CDCP2: variants seen among roughly 807,000 people sequenced by gnomAD.
CDCP2 encodes CUB domain containing protein 2.
Under a neutral mutation model 31.0 loss-of-function variants are expected in CDCP2, and 31 were observed. That is an observed-to-expected ratio of 1.00 (90% CI 0.75 to 1.35). The LOEUF (loss-of-function observed/expected upper bound fraction) is 1.35, where lower values mean the gene tolerates loss of function less well. Among genes scored for constraint, CDCP2 ranks in the 40% most tolerant of loss-of-function variants. CDCP2 has a pLI of 0.00. For synonymous variants in CDCP2, 206 were observed against 207.9 expected, an observed-to-expected ratio of 0.99 and a Z score of 0.08; for missense variants, 443 against 482.6, an observed-to-expected ratio of 0.92 and a Z score of 0.77.
chr1:54,141,389 T>C (rs1659371439), exon 3 of CDCP2: 5 of 1,613,690 alleles, frequency 3.1e-6, no homozygotes, highest in Non-Finnish European at 4.2e-6. Context: ...TACTCAGGAC[T>C]GGTGAGGACC....
chr1:54,137,033 G>C (rs908218376), intron 4 of CDCP2, among the ~76,000 whole-genome samples: 2 of 152,238 alleles, frequency 1.3e-5, no homozygotes, highest in African/African-American at 4.8e-5. Flanking sequence ...CACCAAGTTT[G>C]ATCCTCTCAG....
At chr1:54,142,887 GCT>G (rs920970460) in intron 2 of CDCP2, 1 of 152,262 alleles carries the variant, frequency 6.6e-6, no homozygotes, top group East Asian at 1.9e-4. Flanking sequence ...TGTATTTCAA[GCT>G]CTCTTTTAAT....
At chr1:54,151,198 C>T (rs1225482757) in intron 1 of CDCP2, among the ~76,000 whole-genome samples, 2 of 152,162 alleles carry the variant, frequency 1.3e-5, no homozygotes, top group Non-Finnish European at 2.9e-5. Context: ...CACTTAGCCT[C>T]TGTGAGCCGT....
intron 2 of CDCP2, chr1:54,144,240 G>C: frequency 2.0e-6 from 1 of 511,728 alleles, no homozygotes; most frequent in Non-Finnish European, 3.5e-6. Context: ...CATGAGAGCT[G>C]GGTCCTGCAG....
At position 54,133,897 on chromosome 1, in the gene CDCP2, A is replaced by AAAAC. The variant is rs1390294285; in HGVS notation, c.1297-607_1297-604dup. Among the ~76,000 whole-genome samples the AAAAC allele has an allele frequency of 1.9e-3, 63 of 33,378 alleles. No individual in the cohort carries two copies. In the South Asian group the frequency reaches 0.05, roughly 26 times the overall value. 21.9% of individuals were successfully genotyped at this position (33,378 alleles called of 152,430 possible). A position where few individuals can be genotyped will look rare whatever the true frequency, so the allele number is the denominator to read the frequency against. On this transcript the variant is annotated intron_variant, in intron 5 of 5. Transcript: ENST00000530059. Reference sequence around the variant, plus strand: ...TGGGACAGAGTGAGACTCCATCTCAAAAACAAACAAACAAACAAAAAAAAC... The same window carrying AAAAC: ...TGGGACAGAGTGAGACTCCATCTCAAAAACAAACAAACAAACAAACAAAAAAAAC...
chr1:54,139,516 G>A (rs761816335), intron 4 of CDCP2: 64 of 1,610,824 alleles, frequency 4.0e-5, no homozygotes, highest in Admixed American at 5.0e-5. Flanking sequence ...GAGGACTCAC[G>A]AAGTTAGAAG....
chr1:54,150,376 C>T (rs1051610308), intron 1 of CDCP2, among the ~76,000 whole-genome samples: 1 of 152,152 alleles, frequency 6.6e-6, no homozygotes, highest in Non-Finnish European at 1.5e-5. Flanking sequence ...GGGTGGATCA[C>T]CTGAGGTCAG....
intron 1 of CDCP2, among the ~76,000 whole-genome samples, chr1:54,145,313 CTA>C (rs1659447462): frequency 1.3e-5 from 2 of 152,160 alleles, no homozygotes; most frequent in African/African-American, 2.4e-5. Context: ...GTAGTCCCAG[CTA>C]CCTGGGAGGC....
At chr1:54,141,748 G>A (rs1570064000) in intron 2 of CDCP2, 1 of 249,006 alleles carries the variant, frequency 4.0e-6, no homozygotes, top group East Asian at 8.4e-5. Context: ...CACCCAGGCA[G>A]ACCTTGAGAT....
In CDCP2 at chr1:54,152,004, C is replaced by T. The variant is rs1424318357; in HGVS notation, c.79+840G>A. 3.3e-5 allele frequency among the ~76,000 whole-genome samples: 5 copies of T among 152,094 alleles called. No individual in the cohort carries two copies. In the East Asian group the frequency reaches 9.7e-4, roughly 29 times the overall value. ...GGTGAAGCAGAAGGGGTTGTGATTC[C>T]CCTGCCAGAGCATGGGATGCCCAAG... On this transcript the variant is annotated intron_variant, in intron 1 of 5. Transcript: ENST00000530059.
At chr1:54,150,172 G>A (rs1387498737) in intron 1 of CDCP2, among the ~76,000 whole-genome samples, 2 of 152,372 alleles carry the variant, frequency 1.3e-5, no homozygotes, top group Non-Finnish European at 2.9e-5. Context: ...CTAGGCCAGA[G>A]TTCTGCTCAG....
chr1:54,133,764 T>C (rs1045860363), intron 5 of CDCP2, among the ~76,000 whole-genome samples: 36 of 151,678 alleles, frequency 2.4e-4, no homozygotes, highest in East Asian at 3.9e-4. Flanking sequence ...GGCGTGATGG[T>C]GTGCGCCTGT....
chr1:54,150,769 ATTC>A lies in CDCP2; in HGVS notation c.79+2072_79+2074del, dbSNP rs1402719268. Among the ~76,000 whole-genome samples the A allele has an allele frequency of 3.3e-5, 5 of 152,244 alleles. No homozygotes were observed. The East Asian group carries it at 7.7e-4, about 24-fold the overall frequency. ...GCCTCCCTGGTTACAGAGCCAATGT[ATTC>A]TTCTTTTTGCTTAAACTCATCCAGG... On this transcript the variant is annotated intron_variant, in intron 1 of 5. Transcript: ENST00000530059.
exon 4 of CDCP2, chr1:54,140,029 T>C: frequency 1.9e-6 from 3 of 1,613,794 alleles, no homozygotes; most frequent in Non-Finnish European, 2.5e-6. Flanking sequence ...TGGCAGCGGA[T>C]GTTGTTGGGG....
intron 5 of CDCP2, among the ~76,000 whole-genome samples, chr1:54,134,777 C>T (rs934074783): frequency 2.6e-5 from 4 of 151,660 alleles, no homozygotes; most frequent in African/African-American, 4.8e-5. Flanking sequence ...GCTCTGTTGC[C>T]CAGGCTGGAG....
At chr1:54,151,861 G>T (rs970135053) in intron 1 of CDCP2, among the ~76,000 whole-genome samples, 1 of 152,190 alleles carries the variant, frequency 6.6e-6, no homozygotes, top group Non-Finnish European at 1.5e-5. Context: ...GATGTGGAAG[G>T]CCGACGGAGG....
At chr1:54,140,459 CT>C (rs1659347186) in intron 3 of CDCP2, 1 of 370,518 alleles carries the variant, frequency 2.7e-6, no homozygotes. Context: ...CATGCCTGGC[CT>C]TTCCCCTTTT....
At chr1:54,145,912 A>C (rs1052763809) in intron 1 of CDCP2, among the ~76,000 whole-genome samples, 1 of 152,188 alleles carries the variant, frequency 6.6e-6, no homozygotes, top group African/African-American at 2.4e-5. Context: ...GAAACAAATA[A>C]ACTGAATCTT....
rs149009344 is a variant in CDCP2, at chr1:54,140,007, C to T, written c.863G>A (p.Arg288His). Residue 288 changes from arginine to histidine, a missense_variant, in exon 4 of 6, where the codon CGC becomes CAC. Physicochemically the swap from Arg to His is conservative, Grantham distance 29. Coordinates refer to ENST00000530059, the Ensembl canonical transcript of CDCP2. ...CTTGACCTGGTAGCCCGGGGGCAGG[C>T]GGATGGTCCAGTGGCAGCGGATGTT... 5.9e-5 allele frequency: 96 copies of T among 1,613,980 alleles called. No homozygotes were observed. Among genetic ancestry groups the T allele is most frequent in the Middle Eastern group, 3.3e-4 (2 of 6,062 alleles).
Sources: allele counts gnomAD v4.1 joint callset (sites outside exome capture counted in the v4.1 genomes callset), GRCh38; gene constraint gnomAD v4.1.1; transcripts MANE v1.5; gene names NCBI Gene and HGNC (gene_info 2026-07-23, HGNC 2026-07-21).